Variants in TTC23L observed in about 807,000 individuals in gnomAD.
The protein encoded by TTC23L is tetratricopeptide repeat protein 23-like.
Under a neutral mutation model 48.1 loss-of-function variants are expected in TTC23L, and 42 were observed. That is an observed-to-expected ratio of 0.87 (90% CI 0.68 to 1.13). The LOEUF is 1.13. TTC23L is among the 50% of genes most tolerant of loss of function. TTC23L has a pLI of 0.00. For synonymous variants in TTC23L, 159 were observed against 157.2 expected, an observed-to-expected ratio of 1.01 and a Z score of -0.09; for missense variants, 391 against 421.0, an observed-to-expected ratio of 0.93 and a Z score of 0.62.
chr5:34,851,131 G>C (rs1329763626), intron 4 of TTC23L, among the ~76,000 whole-genome samples: 16 of 152,120 alleles, frequency 1.1e-4, no homozygotes, highest in Non-Finnish European at 5.9e-5. Context: ...ACAGTCCTTT[G>C]TACACAATAT....
At chr5:34,876,681 C>T (rs1761851688) in intron 8 of TTC23L, among the ~76,000 whole-genome samples, 1 of 152,206 alleles carries the variant, frequency 6.6e-6, no homozygotes, top group South Asian at 2.1e-4. Context: ...TTGACAATCT[C>T]TTCCAAAAGA....
intron 4 of TTC23L, among the ~76,000 whole-genome samples, chr5:34,852,930 G>A (rs766922331): frequency 9.2e-5 from 14 of 152,120 alleles, no homozygotes; most frequent in Non-Finnish European, 1.8e-4. Context: ...AGGAACTGCC[G>A]TTTATAAAAC....
At chr5:34,912,825 C>T in the TTC23L span, among the ~76,000 whole-genome samples, 1 of 152,180 alleles carries the variant, frequency 6.6e-6, no homozygotes, top group South Asian at 2.1e-4. Flanking sequence ...TATGGTGAAA[C>T]CCCATCTCTA....
At chr5:34,845,584 AAGG>A in exon 3 of TTC23L, 2 of 1,614,020 alleles carry the variant, frequency 1.2e-6, no homozygotes, top group South Asian at 1.1e-5. Context: ...AGCTAAAGAG[AAGG>A]AGAAGGCCAT....
Position 34,868,895 on chromosome 5 carries a change from T to C in TTC23L, c.841-10T>C, listed in dbSNP as rs534806181. The C allele has an allele frequency of 6.3e-7, 1 of 1,594,938 alleles. No individual in the cohort carries two copies. The highest frequency in any genetic ancestry group is 2.3e-5 in the East Asian group (1 of 44,292). ...GGGTGCTTACCTTGTCATGATTTTC[T>C]TTATTCCAGGCTCATTCTGTCTGTG... On this transcript the variant is annotated splice_polypyrimidine_tract_variant and intron_variant, in intron 7 of 10. Transcript: ENST00000505624.
the TTC23L span, chr5:34,914,841 C>T: frequency 6.2e-7 from 1 of 1,614,170 alleles, no homozygotes; most frequent in African/African-American, 1.3e-5. Flanking sequence ...AGGCTGGCCA[C>T]AAGGCTGTAC....
In TTC23L at chr5:34,849,487, C is replaced by T. The variant is rs559092982; in HGVS notation, c.256-698C>T. ...AATGACTCAGCTTTTTCAAATAATT[C>T]GTAAGAAAAAGAACTAGAGATGGAA... On this transcript the variant is annotated intron_variant, in intron 3 of 10. Transcript: ENST00000505624. Among the ~76,000 whole-genome samples, 6 of 152,018 alleles carry T rather than the reference C, an allele frequency of 3.9e-5. No individual in the cohort carries two copies. The East Asian group carries it at 5.8e-4, about 15-fold the overall frequency.
rs913943457 is a variant in TTC23L, at chr5:34,864,393, T to A, written c.537-44T>A. On this transcript the variant is annotated intron_variant, in intron 5 of 10. Transcript: ENST00000505624. ...CTTATCACCTGCTGTCCCTGTGCAG[T>A]GGATGTTAGTTTGAGTGCTTGCCAT... 8 of 1,608,040 alleles carry A rather than the reference T, an allele frequency of 5.0e-6. No individual in the cohort carries two copies. The African/African-American group carries it at 1.1e-4, about 22-fold the overall frequency.
At chr5:34,875,754 C>A (rs1450267816) in intron 8 of TTC23L, among the ~76,000 whole-genome samples, 6 of 152,112 alleles carry the variant, frequency 3.9e-5, no homozygotes, top group Non-Finnish European at 8.8e-5. Context: ...TCAGTAAGGA[C>A]ATAATCAAAT....
At chr5:34,914,612 T>C in the TTC23L span, 1 of 1,313,402 alleles carries the variant, frequency 7.6e-7, no homozygotes, top group Non-Finnish European at 1.1e-6. Flanking sequence ...TATTAAGTTA[T>C]TTTGTCTACT....
chr5:34,846,667 A>ATGTGTG (rs869123650), intron 3 of TTC23L, among the ~76,000 whole-genome samples: 44 of 66,344 alleles, frequency 6.6e-4, no homozygotes, highest in Middle Eastern at 7.2e-3. Context: ...ATATGTGTGT[A>ATGTGTG]TGTGTGTGTG....
chr5:34,846,600 T>TATATATATACAC (rs61009546), intron 3 of TTC23L, among the ~76,000 whole-genome samples: 11 of 92,912 alleles, frequency 1.2e-4, no homozygotes, highest in African/African-American at 3.6e-4. Flanking sequence ...TATATATATA[T>TATATATATACAC]ACACACACAT....
chr5:34,850,047 G>A, intron 3 of TTC23L, 138 bp from the exon 4 acceptor site: 1 of 1,007,136 alleles, frequency 9.9e-7, no homozygotes, highest in Non-Finnish European at 1.5e-6. Context: ...CAGACCTGAT[G>A]GATTAGACAC....
the TTC23L span, among the ~76,000 whole-genome samples, chr5:34,919,344 GTGCTTATGTTGAGA>G: frequency 2.7e-5 from 4 of 148,850 alleles, no homozygotes; most frequent in Non-Finnish European, 4.4e-5. Flanking sequence ...GGCTGTTGTT[GTGCTTATGTTGAGA>G]GGTGCTTTGG....
chr5:34,898,081 T>C (rs1763341475), intron 10 of TTC23L, among the ~76,000 whole-genome samples: 1 of 152,170 alleles, frequency 6.6e-6, no homozygotes, highest in African/African-American at 2.4e-5. Flanking sequence ...TATCTCAGTG[T>C]TGTTGTGAGA....
chr5:34,855,587 T>G (rs573091760), intron 4 of TTC23L, among the ~76,000 whole-genome samples: 23 of 152,344 alleles, frequency 1.5e-4, no homozygotes, highest in African/African-American at 5.0e-4. Context: ...TGGACAAGAT[T>G]ATTCTTTGCA....
downstream of TTC23L, among the ~76,000 whole-genome samples, chr5:34,901,480 C>T (rs1009766788): frequency 8.6e-5 from 13 of 152,040 alleles, no homozygotes; most frequent in Non-Finnish European, 1.0e-4. Context: ...AAACTGGGGA[C>T]GGCCGGGCAT....
intron 4 of TTC23L, among the ~76,000 whole-genome samples, chr5:34,852,183 C>T (rs996258749): frequency 1.3e-5 from 2 of 152,266 alleles, no homozygotes; most frequent in African/African-American, 4.8e-5. Context: ...TGGCACCTGG[C>T]CCCCAAGTAG....
At chr5:34,850,998 CCT>C (rs1184594714) in intron 4 of TTC23L, among the ~76,000 whole-genome samples, 6 of 152,152 alleles carry the variant, frequency 3.9e-5, no homozygotes, top group African/African-American at 1.2e-4. Flanking sequence ...GCCATGTCCC[CCT>C]GTGTGGTCTG....
Sources: gnomAD v4.1 joint callset for allele counts (sites outside exome capture counted in the v4.1 genomes callset) on GRCh38, gnomAD v4.1.1 for gene constraint, MANE v1.5 for transcripts, NCBI Gene and HGNC (gene_info 2026-07-23, HGNC 2026-07-21) for gene names.